STRA8: variants seen among roughly 807,000 people sequenced by gnomAD.
STRA8 encodes the protein stimulated by retinoic acid 8.
STRA8 carries 18 observed loss-of-function variants against 37.1 expected under a neutral mutation model. That is an observed-to-expected ratio of 0.48 (90% confidence interval 0.34 to 0.72). The LOEUF (loss-of-function observed/expected upper bound fraction) is 0.72. STRA8 is among the 30% of genes least tolerant of loss of function. The pLI is 0.01. For missense variants in STRA8, 357 were observed against 410.4 expected (o/e 0.87, Z 1.13); for synonymous variants, 168 against 162.9 (o/e 1.03, Z -0.24).
intron 6 of STRA8, among the ~76,000 whole-genome samples, chr7:135,250,728 A>T (rs1422102105): frequency 6.6e-6 from 1 of 152,252 alleles, no homozygotes; most frequent in Admixed American, 6.5e-5. Context: ...AAAGTAAAGC[A>T]TGCCCAGTTC....
chr7:135,235,487 G>T (rs1027204836), intron 1 of STRA8, among the ~76,000 whole-genome samples: 3 of 148,594 alleles, frequency 2.0e-5, no homozygotes, highest in African/African-American at 7.5e-5. Context: ...TGTGGCCCAG[G>T]TTGGAGTCCA....
At chr7:135,252,950 T>C (rs1014425983) in intron 7 of STRA8, among the ~76,000 whole-genome samples, 1 of 151,968 alleles carries the variant, frequency 6.6e-6, no homozygotes. Context: ...TTTTTTTTTT[T>C]CTAAGACAGA....
chr7:135,255,879 G>C (rs1832697710), intron 8 of STRA8, among the ~76,000 whole-genome samples: 1 of 152,226 alleles, frequency 6.6e-6, no homozygotes. Flanking sequence ...TAAATGTTGT[G>C]TGAACCTTTG....
chr7:135,233,712 G>A (rs1394420774), upstream of STRA8, among the ~76,000 whole-genome samples: 4 of 150,986 alleles, frequency 2.6e-5, no homozygotes, highest in Admixed American at 2.0e-4. Flanking sequence ...CTGCCCACAC[G>A]CCCATTGGCC....
intron 2 of STRA8, among the ~76,000 whole-genome samples, chr7:135,240,931 T>C (rs1191937377): frequency 6.6e-6 from 1 of 152,072 alleles, no homozygotes; most frequent in African/African-American, 2.4e-5. Flanking sequence ...TGCCATCAGA[T>C]TGGGTGTCTG....
intron 1 of STRA8, among the ~76,000 whole-genome samples, chr7:135,237,689 C>T (rs919374246): frequency 2.0e-5 from 3 of 152,056 alleles, no homozygotes; most frequent in Non-Finnish European, 4.4e-5. Context: ...GTCAGGAGTT[C>T]GAGACCAGCC....
upstream of STRA8, among the ~76,000 whole-genome samples, chr7:135,233,711 C>T (rs576013716): frequency 2.6e-5 from 4 of 152,172 alleles, no homozygotes; most frequent in African/African-American, 7.2e-5. Flanking sequence ...ACTGCCCACA[C>T]GCCCATTGGC....
Position 135,245,417 on chromosome 7 carries a change from AGAG to A in STRA8, c.495_497del (p.Glu178del), listed in dbSNP as rs3039087. On this transcript the variant is annotated inframe_deletion, in exon 5 of 9. Coordinates refer to ENST00000662584, the MANE Select transcript of STRA8 (RefSeq NM_001394401.1). ...AAGAAGAAGAGGAGGAGGAAGAAGA[AGAG>A]GAGGAGGAGGAAGAGGAGGAAGAGG... 1.4e-5 allele frequency: 10 copies of A among 719,562 alleles called. No homozygotes were observed. The highest frequency in any genetic ancestry group is 3.5e-5 in the African/African-American group (2 of 57,270). 44.6% of individuals were successfully genotyped at this position (719,562 alleles called of 1,614,324 possible). A position where few individuals can be genotyped will look rare whatever the true frequency, so the allele number is the denominator to read the frequency against.
intron 8 of STRA8, 104 bp from the exon 9 acceptor site, chr7:135,258,312 TAG>T: frequency 1.2e-6 from 1 of 861,990 alleles, no homozygotes; most frequent in Non-Finnish European, 1.8e-6. Flanking sequence ...AGACGTAGGA[TAG>T]AGTCTGGGGG....
Position 135,258,306 on chromosome 7 carries a change from G to A in STRA8, c.1066-112G>A, listed in dbSNP as rs557849151. 36 of 806,870 alleles carry A rather than the reference G, an allele frequency of 4.5e-5. 1 individual carries two copies. Among genetic ancestry groups the A allele is most frequent in the South Asian group, 4.2e-4 (24 of 57,522 alleles). 50.0% of individuals were successfully genotyped at this position (806,870 alleles called of 1,614,324 possible). On this transcript the variant is annotated intron_variant, in intron 8 of 8. Coordinates refer to ENST00000662584, the MANE Select transcript of STRA8 (RefSeq NM_001394401.1). ...GAGGTGAAAATGCAGCGGAAGAGAC[G>A]TAGGATAGAGTCTGGGGGCTGGGCA... is the stretch of plus-strand genomic sequence containing the variant.
chr7:135,234,632 C>T (rs1012289729), intron 1 of STRA8, among the ~76,000 whole-genome samples: 17 of 152,004 alleles, frequency 1.1e-4, no homozygotes, highest in African/African-American at 4.1e-4. Context: ...GTTTTTTAAA[C>T]GTCAGCTCTG....
chr7:135,251,433 T>C (rs1832632141), intron 6 of STRA8, among the ~76,000 whole-genome samples: 1 of 152,078 alleles, frequency 6.6e-6, no homozygotes, highest in Non-Finnish European at 1.5e-5. Flanking sequence ...GCTCCAATAA[T>C]CTGTGCGCCT....
intron 6 of STRA8, among the ~76,000 whole-genome samples, chr7:135,249,429 C>T (rs1832608214): frequency 6.6e-6 from 1 of 151,886 alleles, no homozygotes; most frequent in South Asian, 2.1e-4. Flanking sequence ...ACTAAAAATA[C>T]AAAAATTAGC....
At chr7:135,240,315 A>T (rs772567951) in intron 1 of STRA8, among the ~76,000 whole-genome samples, 1 of 152,168 alleles carries the variant, frequency 6.6e-6, no homozygotes, top group East Asian at 1.9e-4. Flanking sequence ...ATTGACCAAC[A>T]TCACCTTCAA....
At chr7:135,258,297 G>T (rs567009561) in intron 8 of STRA8, 121 bp from the exon 9 acceptor site, 1 of 710,912 alleles carries the variant, frequency 1.4e-6, no homozygotes. Context: ...AAAATGCAGC[G>T]GAAGAGACGT....
upstream of STRA8, chr7:135,232,127 GA>G: frequency 8.8e-6 from 9 of 1,025,404 alleles, no homozygotes; most frequent in Non-Finnish European, 1.4e-5. Context: ...GTTGGGGCGG[GA>G]GGTGGGGTGA....
chr7:135,235,565 CTGAG>C (rs963595221), intron 1 of STRA8, among the ~76,000 whole-genome samples: 1 of 152,036 alleles, frequency 6.6e-6, no homozygotes, highest in Non-Finnish European at 1.5e-5. Flanking sequence ...CCTCAGCTTC[CTGAG>C]TAACTGAGAT....
intron 7 of STRA8, among the ~76,000 whole-genome samples, chr7:135,254,615 G>A (rs957284042): frequency 3.3e-5 from 5 of 152,216 alleles, no homozygotes; most frequent in African/African-American, 1.2e-4. Flanking sequence ...GGTGACATAA[G>A]CTCGAGTCAC....
At chr7:135,252,863 C>T (rs1832655164) in intron 7 of STRA8, among the ~76,000 whole-genome samples, 2 of 152,154 alleles carry the variant, frequency 1.3e-5, no homozygotes, top group African/African-American at 4.8e-5. Flanking sequence ...CGGTTTTTCA[C>T]AGACGGCACC....
Sources: allele counts gnomAD v4.1 joint callset (sites outside exome capture counted in the v4.1 genomes callset), GRCh38; gene constraint gnomAD v4.1.1; transcripts MANE v1.5; gene names NCBI Gene and HGNC (gene_info 2026-07-23, HGNC 2026-07-21).